Variants in DIPK1A observed in about 807,000 individuals in gnomAD.
The protein encoded by DIPK1A is divergent protein kinase domain 1A, also known as family with sequence similarity 69 member A.
DIPK1A carries 27 observed loss-of-function variants against 40.8 expected under a neutral mutation model. That is an observed-to-expected ratio of 0.66 (90% CI 0.49 to 0.91). DIPK1A has a LOEUF of 0.91. DIPK1A is among the 40% of genes least tolerant of loss of function. The pLI, the probability that DIPK1A is intolerant of heterozygous loss-of-function variation, is 0.00. For missense variants in DIPK1A, 412 were observed against 505.7 expected (o/e 0.81, Z 1.78); for synonymous variants, 166 against 171.3 (o/e 0.97, Z 0.24).
chr1:92,900,758 AG>A (rs1368439382), intron 1 of DIPK1A, among the ~76,000 whole-genome samples: 1 of 151,902 alleles, frequency 6.6e-6, no homozygotes, highest in Non-Finnish European at 1.5e-5. Flanking sequence ...CCTGCCCCCT[AG>A]GGTAGAATTA....
rs534045980 is a variant in DIPK1A at position 92,890,654 on chromosome 1, T to C, written c.55-14224A>G. Among the ~76,000 whole-genome samples, 38 of 152,368 alleles carry C rather than the reference T, an allele frequency of 2.5e-4. No individual in the cohort carries two copies. The Middle Eastern group carries it at 0.017, about 68-fold the overall frequency. On this transcript the variant is annotated intron_variant, in intron 1 of 4. Coordinates refer to ENST00000370310, the MANE Select transcript of DIPK1A (RefSeq NM_001006605.5). ...GTACGTTGACCTATCTTTGCATCTCTTGAATAAATCCCATTTGATCATGGT... is the reference window on the plus strand; with the variant it reads ...GTACGTTGACCTATCTTTGCATCTCCTGAATAAATCCCATTTGATCATGGT...
chr1:92,872,744 T>C (rs1647932602), intron 2 of DIPK1A, among the ~76,000 whole-genome samples: 1 of 152,224 alleles, frequency 6.6e-6, no homozygotes, highest in Admixed American at 6.5e-5. Context: ...GCTACTTATG[T>C]CCAAGGGTAT....
In DIPK1A at chr1:92,878,742, C is replaced by A. The variant is rs374270201; in HGVS notation, c.55-2312G>T. 1.8e-3 allele frequency among the ~76,000 whole-genome samples: 279 copies of A among 152,162 alleles called. 1 individual carries two copies. Among genetic ancestry groups the A allele is most frequent in the African/African-American group, 6.5e-3 (270 of 41,524 alleles). On this transcript the variant is annotated intron_variant, in intron 1 of 4. Transcript: ENST00000370310. ...GTCTGAGGCAGGAGAATAGCGTGAA[C>A]CCCGGGGGGCGGAGCCTGCAGTGAG...
chr1:92,842,856 G>A lies in DIPK1A; in HGVS notation c.*527C>T, dbSNP rs1687431502. The stretch of plus-strand genomic sequence containing the variant: ...TGATGTCTGAATGAGGTTAAAAATG[G>A]GTGTATAAGTCTTTAATACAGTAAA... On this transcript the variant is annotated 3_prime_UTR_variant, in exon 5 of 5. Transcript: ENST00000370310. 1 of 985,086 alleles carries A rather than the reference G, an allele frequency of 1.0e-6. No individual in the cohort carries two copies. The highest frequency in any genetic ancestry group is 6.2e-5 in the Admixed American group (1 of 16,256). The allele number at this position is 985,086 out of a possible 1,614,324, so 61.0% of individuals were successfully genotyped here. A position where few individuals can be genotyped will look rare whatever the true frequency, so the allele number is the denominator to read the frequency against.
intron 1 of DIPK1A, among the ~76,000 whole-genome samples, chr1:92,946,549 T>G (rs1173399385): frequency 6.6e-6 from 1 of 152,156 alleles, no homozygotes; most frequent in Non-Finnish European, 1.5e-5. Context: ...TAAATTAAAA[T>G]TACAACTATC....
intron 2 of DIPK1A, among the ~76,000 whole-genome samples, chr1:92,874,466 TA>T (rs1306663950): frequency 6.6e-6 from 1 of 152,338 alleles, no homozygotes; most frequent in East Asian, 1.9e-4. Flanking sequence ...AAGTCCTTAG[TA>T]AAGTCAGTTG....
intron 1 of DIPK1A, among the ~76,000 whole-genome samples, chr1:92,917,322 T>C (rs1322127143): frequency 2.0e-5 from 3 of 152,194 alleles, no homozygotes; most frequent in Non-Finnish European, 2.9e-5. Flanking sequence ...ATCAACATTT[T>C]TATGGCTTTT....
chr1:92,927,985 C>A (rs565630933), intron 1 of DIPK1A, among the ~76,000 whole-genome samples: 5 of 152,182 alleles, frequency 3.3e-5, no homozygotes, highest in Non-Finnish European at 7.3e-5. Flanking sequence ...AGGAGGGGAA[C>A]TGCTGGGTCT....
intron 2 of DIPK1A, among the ~76,000 whole-genome samples, chr1:92,870,109 C>G (rs1647763611): frequency 6.6e-6 from 1 of 151,086 alleles, no homozygotes; most frequent in Non-Finnish European, 1.5e-5. Flanking sequence ...CACACACACA[C>G]ACACATATCT....
intron 4 of DIPK1A, among the ~76,000 whole-genome samples, chr1:92,845,090 G>A (rs1180199636): frequency 1.3e-5 from 2 of 150,980 alleles, no homozygotes; most frequent in Non-Finnish European, 3.0e-5. Flanking sequence ...GACTACAGGC[G>A]CCTGCCACCA....
At chr1:92,862,004 T>C (rs1488987132) in intron 2 of DIPK1A, among the ~76,000 whole-genome samples, 1 of 152,186 alleles carries the variant, frequency 6.6e-6, no homozygotes, top group East Asian at 1.9e-4. Context: ...GATCTTGCAC[T>C]CTTGAGCTCA....
At chr1:92,912,483 A>G (rs1649869828) in intron 1 of DIPK1A, among the ~76,000 whole-genome samples, 1 of 152,154 alleles carries the variant, frequency 6.6e-6, no homozygotes, top group Admixed American at 6.6e-5. Context: ...CCTCAGAACT[A>G]AAGGGGAAAA....
At chr1:92,883,540 C>A (rs1443113438) in intron 1 of DIPK1A, among the ~76,000 whole-genome samples, 1 of 152,198 alleles carries the variant, frequency 6.6e-6, no homozygotes, top group Non-Finnish European at 1.5e-5. Context: ...CTGGAGCCAT[C>A]TGAAGGACTA....
chr1:92,840,588 G>A (rs749410848), downstream of DIPK1A: 5 of 1,612,844 alleles, frequency 3.1e-6, no homozygotes, highest in African/African-American at 1.3e-5. Flanking sequence ...GCTGCTATAC[G>A]AGAGAATCCA....
downstream of DIPK1A, chr1:92,837,680 TAG>T (rs750738282): frequency 9.5e-5 from 145 of 1,521,462 alleles, no homozygotes; most frequent in Middle Eastern, 6.3e-4. Flanking sequence ...TTTATGGAAA[TAG>T]GTTTATTACT....
intron 1 of DIPK1A, among the ~76,000 whole-genome samples, chr1:92,884,223 G>A (rs1415910509): frequency 1.3e-5 from 2 of 152,146 alleles, no homozygotes; most frequent in Non-Finnish European, 2.9e-5. Flanking sequence ...GGAGGCTGAG[G>A]ATTGCTTGAG....
At chr1:92,898,794 ACTCT>A (rs1649289893) in intron 1 of DIPK1A, among the ~76,000 whole-genome samples, 2 of 151,354 alleles carry the variant, frequency 1.3e-5, no homozygotes, top group South Asian at 4.2e-4. Context: ...ATAGGGTCTC[ACTCT>A]GTCACCCAGG....
At chr1:92,894,936 C>T (rs1649091775) in intron 1 of DIPK1A, among the ~76,000 whole-genome samples, 1 of 152,160 alleles carries the variant, frequency 6.6e-6, no homozygotes, top group African/African-American at 2.4e-5. Context: ...CACATACACC[C>T]TCCCAAGACT....
At chr1:92,864,077 CA>C (rs934005517) in intron 2 of DIPK1A, among the ~76,000 whole-genome samples, 1 of 151,752 alleles carries the variant, frequency 6.6e-6, no homozygotes, top group East Asian at 1.9e-4. Flanking sequence ...AAAACAAAAA[CA>C]AAAAAACAAC....
Sources: gnomAD v4.1 joint callset for allele counts (sites outside exome capture counted in the v4.1 genomes callset) on GRCh38, gnomAD v4.1.1 for gene constraint, MANE v1.5 for transcripts, NCBI Gene and HGNC (gene_info 2026-07-23, HGNC 2026-07-21) for gene names.